The following NKAIN2 variants were observed in gnomAD, a reference collection of about 807,000 sequenced individuals.
NKAIN2 encodes the protein sodium/potassium transporting ATPase interacting 2.
In NKAIN2, 14 loss-of-function variants were observed where a neutral mutation model predicts 32.6. That is an observed-to-expected ratio of 0.43 (90% CI 0.28 to 0.67). NKAIN2 has a LOEUF of 0.67. Among genes scored for constraint, NKAIN2 ranks in the 30% least tolerant of loss-of-function variants. The probability of loss-of-function intolerance (pLI) is 0.17; values close to 1 mark genes in which losing one functional copy is unlikely to be tolerated. For synonymous variants in NKAIN2, 80 were observed against 87.2 expected (o/e 0.92, Z 0.46); for missense variants, 198 against 258.3 (o/e 0.77, Z 1.60).
intron 1 of NKAIN2, among the ~76,000 whole-genome samples, chr6:124,281,180 A>G (rs2114915488): frequency 6.6e-6 from 1 of 152,270 alleles, no homozygotes; most frequent in Non-Finnish European, 1.5e-5. Context: ...GATGCTCCAA[A>G]TTTATAGAGT....
chr6:124,777,125 T>A (rs1455864574), intron 4 of NKAIN2, among the ~76,000 whole-genome samples: 2 of 152,196 alleles, frequency 1.3e-5, no homozygotes, highest in African/African-American at 4.8e-5. Flanking sequence ...TTCTGTATAA[T>A]TCAGATTTTT....
At chr6:124,394,238 T>G (rs1773263792) in intron 3 of NKAIN2, among the ~76,000 whole-genome samples, 1 of 152,196 alleles carries the variant, frequency 6.6e-6, no homozygotes, top group South Asian at 2.1e-4. Context: ...TGAGATCATC[T>G]ATAAAATGGC....
intron 1 of NKAIN2, among the ~76,000 whole-genome samples, chr6:123,836,767 A>C (rs962800979): frequency 4.6e-5 from 7 of 152,162 alleles, no homozygotes; most frequent in African/African-American, 1.7e-4. Context: ...TTATGTAAAA[A>C]TGTTAACATT....
At chr6:124,599,402 G>GGAGCA (rs1782223291) in intron 3 of NKAIN2, among the ~76,000 whole-genome samples, 1 of 152,060 alleles carries the variant, frequency 6.6e-6, no homozygotes, top group African/African-American at 2.4e-5. Context: ...ATGTTTAATT[G>GGAGCA]GAGCAAGACA....
chr6:124,616,267 G>C (rs777939273), intron 3 of NKAIN2, among the ~76,000 whole-genome samples: 1 of 151,850 alleles, frequency 6.6e-6, no homozygotes, highest in Non-Finnish European at 1.5e-5. Context: ...CAGGCTTTTT[G>C]CATTTCACCT....
At chr6:124,155,954 C>CA (rs774293523) in intron 1 of NKAIN2, among the ~76,000 whole-genome samples, 4 of 135,922 alleles carry the variant, frequency 2.9e-5, no homozygotes, top group Non-Finnish European at 6.2e-5. Context: ...GCTGGGAAGA[C>CA]AGAGAATGGA....
At chr6:124,621,230 G>A (rs1016247948) in intron 3 of NKAIN2, among the ~76,000 whole-genome samples, 1 of 152,168 alleles carries the variant, frequency 6.6e-6, no homozygotes, top group Non-Finnish European at 1.5e-5. Context: ...TTGGGACTAC[G>A]CTGATGGAAT....
At chr6:124,678,489 CA>C (rs1323867061) in intron 4 of NKAIN2, among the ~76,000 whole-genome samples, 13 of 151,992 alleles carry the variant, frequency 8.6e-5, no homozygotes, top group African/African-American at 3.1e-4. Flanking sequence ...CATACCTGAT[CA>C]AGTCTGCTGT....
At chr6:123,945,322 T>C (rs569893827) in intron 1 of NKAIN2, among the ~76,000 whole-genome samples, 1 of 152,252 alleles carries the variant, frequency 6.6e-6, no homozygotes, top group Admixed American at 6.6e-5. Flanking sequence ...AATATTCTTA[T>C]GAAGGATGTG....
At chr6:123,878,337 C>T in intron 1 of NKAIN2, among the ~76,000 whole-genome samples, 1 of 152,138 alleles carries the variant, frequency 6.6e-6, no homozygotes, top group Non-Finnish European at 1.5e-5. Flanking sequence ...TTTTCCATTT[C>T]TTACTGAATT....
At chr6:123,932,396 TTCTG>T (rs1272334361) in intron 1 of NKAIN2, among the ~76,000 whole-genome samples, 2 of 135,042 alleles carry the variant, frequency 1.5e-5, no homozygotes, top group African/African-American at 2.8e-5. Flanking sequence ...GTTTGGCCTT[TTCTG>T]TCTTTCTTTT....
intron 1 of NKAIN2, among the ~76,000 whole-genome samples, chr6:123,989,969 G>A (rs889711879): frequency 1.3e-5 from 2 of 152,176 alleles, no homozygotes; most frequent in African/African-American, 4.8e-5. Flanking sequence ...AAAGGAAAGA[G>A]ATTTAATTGA....
chr6:124,518,155 C>T (rs942498723), intron 3 of NKAIN2, among the ~76,000 whole-genome samples: 1 of 151,814 alleles, frequency 6.6e-6, no homozygotes, highest in Non-Finnish European at 1.5e-5. Context: ...CCATTACATT[C>T]ATTACACTAT....
At chr6:124,266,170 T>G (rs1372540552) in intron 1 of NKAIN2, among the ~76,000 whole-genome samples, 1 of 152,174 alleles carries the variant, frequency 6.6e-6, no homozygotes, top group African/African-American at 2.4e-5. Flanking sequence ...TAAAGAAGCA[T>G]TCTAAGAATG....
intron 3 of NKAIN2, among the ~76,000 whole-genome samples, chr6:124,536,915 G>A (rs1779737456): frequency 6.6e-6 from 1 of 152,190 alleles, no homozygotes; most frequent in Non-Finnish European, 1.5e-5. Flanking sequence ...CCAGCAATCT[G>A]GAGCAAGATT....
intron 1 of NKAIN2, among the ~76,000 whole-genome samples, chr6:123,881,460 GC>G (rs947667701): frequency 6.6e-6 from 1 of 152,186 alleles, no homozygotes; most frequent in African/African-American, 2.4e-5. Flanking sequence ...TAAATGAAAT[GC>G]AGTTTACAGT....
chr6:123,841,613 T>C (rs1433463753), intron 1 of NKAIN2, among the ~76,000 whole-genome samples: 1 of 152,142 alleles, frequency 6.6e-6, no homozygotes, highest in Non-Finnish European at 1.5e-5. Context: ...TTCCCAGATA[T>C]GACATTCTGG....
intron 3 of NKAIN2, among the ~76,000 whole-genome samples, chr6:124,653,260 CA>C (rs1784427056): frequency 6.6e-6 from 1 of 151,828 alleles, no homozygotes; most frequent in Non-Finnish European, 1.5e-5. Context: ...TATAAAGTTA[CA>C]GTAATTAAAA....
chr6:124,437,540 G>C (rs1322784786), intron 3 of NKAIN2, among the ~76,000 whole-genome samples: 1 of 151,186 alleles, frequency 6.6e-6, no homozygotes, highest in Non-Finnish European at 1.5e-5. Flanking sequence ...TTTCTCTCCT[G>C]CTTCTCTTTC....
Sources: allele counts gnomAD v4.1 joint callset (sites outside exome capture counted in the v4.1 genomes callset), GRCh38; gene constraint gnomAD v4.1.1; transcripts MANE v1.5; gene names NCBI Gene and HGNC (gene_info 2026-07-23, HGNC 2026-07-21).